The following LEPR variants were observed in gnomAD, a reference collection of about 807,000 sequenced individuals.
The protein encoded by LEPR is OB receptor.
LEPR carries 56 observed loss-of-function variants against 114.7 expected under a neutral mutation model. That is an observed-to-expected ratio of 0.49 (90% CI 0.39 to 0.61). The LOEUF (loss-of-function observed/expected upper bound fraction) is 0.61. Ranked by LOEUF, LEPR falls within the 20% of genes least tolerant of loss-of-function variation. The probability of loss-of-function intolerance (pLI) is 0.00; values close to 1 mark genes in which losing one functional copy is unlikely to be tolerated. For synonymous variants in LEPR, 443 were observed against 461.4 expected (o/e 0.96, Z 0.51); for missense variants, 1,202 against 1,352.9 (o/e 0.89, Z 1.75).
chr1:65,422,167 T>C (rs1378173566), intron 1 of LEPR, among the ~76,000 whole-genome samples: 1 of 152,208 alleles, frequency 6.6e-6, no homozygotes, highest in Admixed American at 6.5e-5. Context: ...TTTGCAGATA[T>C]AATCAAATTA....
At chr1:65,437,633 A>C (rs954577861) in intron 2 of LEPR, among the ~76,000 whole-genome samples, 9 of 151,786 alleles carry the variant, frequency 5.9e-5, no homozygotes, top group African/African-American at 2.2e-4. Context: ...CGACAGAGGG[A>C]GACCCCGTCT....
chr1:65,637,235 C>A lies in LEPR; in HGVS notation c.*220C>A. On this transcript the variant is annotated 3_prime_UTR_variant, in exon 20 of 20. Coordinates refer to ENST00000349533, the MANE Select transcript of LEPR (RefSeq NM_002303.6). ...TAGACACGCTCTTCTATTTTATTCC[C>A]AAGCTCTAGTGGGAAGGTCCCTTGT... is the stretch of plus-strand genomic sequence containing the variant. The A allele has an allele frequency of 2.2e-6, 1 of 450,090 alleles. No homozygotes were observed. The highest frequency in any genetic ancestry group is 3.6e-5 in the Admixed American group (1 of 27,718). The allele number at this position is 450,090 out of a possible 1,614,324, so 27.9% of individuals were successfully genotyped here. A position where few individuals can be genotyped will look rare whatever the true frequency, so the allele number is the denominator to read the frequency against.
rs1658714333 is a variant in LEPR at position 65,636,256 on chromosome 1, G to A, written c.2739G>A (p.Leu913=). The A allele has an allele frequency of 1.9e-6, 3 of 1,613,594 alleles. No homozygotes were observed. Among genetic ancestry groups the A allele is most frequent in the African/African-American group, 1.3e-5 (1 of 74,800 alleles). The change falls in exon 20 of 20, where the codon TTG becomes TTA. Residue 913 remains leucine (L), a synonymous_variant. Transcript: ENST00000349533. ...TASVTCGPLL[L]EPETISEDIS... ...CAGTGACATGTGGTCCTCTTCTTTTGGAGCCTGAAACAATTTCAGAAGATA... is the reference window on the plus strand; with the variant it reads ...CAGTGACATGTGGTCCTCTTCTTTTAGAGCCTGAAACAATTTCAGAAGATA...
Position 65,618,572 on chromosome 1 carries a change from C to T in LEPR, c.2395+426C>T, listed in dbSNP as rs576859605. Among the ~76,000 whole-genome samples the T allele has an allele frequency of 3.9e-5, 6 of 152,202 alleles. No individual in the cohort carries two copies. In the South Asian group the frequency reaches 1.2e-3, roughly 32 times the overall value. ...TCTTGAACTCCTAAGCTCAAGTGAT[C>T]CTCCTGCCTTGGCCTCCCAAAGTGT... On this transcript the variant is annotated intron_variant, in intron 16 of 19. Transcript: ENST00000349533.
chr1:65,543,177 CATT>C (rs1269881160), intron 2 of LEPR, among the ~76,000 whole-genome samples: 6 of 152,062 alleles, frequency 3.9e-5, no homozygotes, highest in East Asian at 1.9e-4. Flanking sequence ...GATGGTATCT[CATT>C]GTTGTTTTGA....
rs549494150 is a variant in LEPR, at chr1:65,639,471, G to A, written c.*2456G>A. 4.4e-4 allele frequency: 67 copies of A among 152,024 alleles called. No homozygotes were observed. The highest frequency in any genetic ancestry group is 1.6e-3 in the African/African-American group (65 of 41,448). 9.4% of individuals were successfully genotyped at this position (152,024 alleles called of 1,614,324 possible). ...CACTATGTATCATTACATTTTATTG[G>A]GACCTTGTGAAAACTACCTGCCATG... On this transcript the variant is annotated 3_prime_UTR_variant, in exon 20 of 20. Coordinates refer to ENST00000349533, the MANE Select transcript of LEPR (RefSeq NM_002303.6).
In LEPR at chr1:65,618,149, A is replaced by T; in HGVS notation, c.2395+3A>T. 9 of 1,602,176 alleles carry T rather than the reference A, an allele frequency of 5.6e-6. No homozygotes were observed. Among genetic ancestry groups the T allele is most frequent in the Non-Finnish European group, 7.7e-6 (9 of 1,173,658 alleles). On this transcript the variant is annotated splice_donor_region_variant and intron_variant, in intron 16 of 19. Coordinates refer to ENST00000349533, the MANE Select transcript of LEPR (RefSeq NM_002303.6). ...TGTTAAGAAGTATTATATCCATGGTAAGTTTACTATACTTTAGTAAGTTGC... is the reference window on the plus strand; with the variant it reads ...TGTTAAGAAGTATTATATCCATGGTTAGTTTACTATACTTTAGTAAGTTGC...
Position 65,636,699 on chromosome 1 carries a change from T to G in LEPR, c.3182T>G (p.Leu1061Trp), listed in dbSNP as rs777487685. ...TTCTCAGAAGGATTGGATGAACTTT[T>G]GAAATTGGAGGGAAATTTCCCTGAA... is the stretch of plus-strand genomic sequence containing the variant. ...LTFSEGLDEL[L>W]KLEGNFPEEN... The change falls in exon 20 of 20, where the codon TTG (leucine) becomes TGG (tryptophan). Residue 1061 changes from leucine (L) to tryptophan (W), a missense_variant. Leu to Trp is a moderately conservative substitution (Grantham distance 61, BLOSUM62 -2). Coordinates refer to ENST00000349533, the MANE Select transcript of LEPR (RefSeq NM_002303.6). 1.7e-5 allele frequency: 27 copies of G among 1,608,788 alleles called. No individual in the cohort carries two copies. The highest frequency in any genetic ancestry group is 2.0e-5 in the Non-Finnish European group (24 of 1,176,904).
chr1:65,455,000 C>G (rs1646847519), intron 2 of LEPR, among the ~76,000 whole-genome samples: 2 of 152,076 alleles, frequency 1.3e-5, no homozygotes, highest in African/African-American at 4.8e-5. Flanking sequence ...TCTTTTTTCT[C>G]TAAACTTCCC....
At chr1:65,590,264 A>G (rs1302825885) in intron 5 of LEPR, among the ~76,000 whole-genome samples, 1 of 51,010 alleles carries the variant, frequency 2.0e-5, no homozygotes, top group Non-Finnish European at 3.9e-5. Flanking sequence ...ATATTTCCTT[A>G]TTATCCTTTT....
chr1:65,482,879 T>C (rs192584812), intron 2 of LEPR, among the ~76,000 whole-genome samples: 45 of 151,712 alleles, frequency 3.0e-4, no homozygotes, highest in Non-Finnish European at 4.9e-4. Context: ...TCCCAACTAC[T>C]TGGGAGGCTG....
intron 2 of LEPR, among the ~76,000 whole-genome samples, chr1:65,439,706 T>C (rs1262584944): frequency 1.3e-5 from 2 of 151,588 alleles, no homozygotes; most frequent in Non-Finnish European, 1.5e-5. Context: ...TAATCCCAGC[T>C]ACTCAGGAGG....
chr1:65,438,355 T>TGAG, intron 2 of LEPR, among the ~76,000 whole-genome samples: 1 of 151,550 alleles, frequency 6.6e-6, no homozygotes, highest in Non-Finnish European at 1.5e-5. Context: ...ATCAAGACCA[T>TGAG]CCTGACCAAC....
At chr1:65,612,643 C>A (rs180678312) in intron 14 of LEPR, among the ~76,000 whole-genome samples, 5 of 144,800 alleles carry the variant, frequency 3.5e-5, no homozygotes, top group African/African-American at 1.4e-4. Context: ...TGTCATACCT[C>A]CTTATGCTTC....
At chr1:65,627,641 A>G (rs1658297715) in intron 19 of LEPR, among the ~76,000 whole-genome samples, 1 of 152,176 alleles carries the variant, frequency 6.6e-6, no homozygotes, top group East Asian at 1.9e-4. Flanking sequence ...GCAAATCCAC[A>G]TGGGAAGTTT....
intron 19 of LEPR, among the ~76,000 whole-genome samples, chr1:65,629,141 A>G (rs1658384972): frequency 1.3e-5 from 2 of 152,028 alleles, no homozygotes; most frequent in South Asian, 4.1e-4. Context: ...TCAATTCCTT[A>G]AGTAATCATT....
intron 2 of LEPR, among the ~76,000 whole-genome samples, chr1:65,485,847 T>A (rs1208522863): frequency 1.3e-5 from 2 of 152,098 alleles, no homozygotes; most frequent in Non-Finnish European, 2.9e-5. Context: ...CCAAGAAGAA[T>A]GAGGATGGGG....
chr1:65,608,619 T>G, intron 11 of LEPR, 134 bp from the exon 12 acceptor site: 582 of 1,007,630 alleles, frequency 5.8e-4, no homozygotes, highest in Non-Finnish European at 6.7e-4. Context: ...GGGAAACAAA[T>G]GAGATAATGA....
chr1:65,421,183 A>T, intron 1 of LEPR: 1 of 794,780 alleles, frequency 1.3e-6, no homozygotes, highest in Non-Finnish European at 1.9e-6. Context: ...CTTTTTCCTA[A>T]TGATTTTTCC....
Sources: allele counts gnomAD v4.1 joint callset (sites outside exome capture counted in the v4.1 genomes callset), GRCh38; gene constraint gnomAD v4.1.1; transcripts MANE v1.5; gene names NCBI Gene and HGNC (gene_info 2026-07-23, HGNC 2026-07-21).